The following EVI5 variants were observed in gnomAD, a reference collection of about 807,000 sequenced individuals.
EVI5 encodes the protein ecotropic viral integration site 5.
Under a neutral mutation model 112.0 loss-of-function variants are expected in EVI5, and 73 were observed. That is an observed-to-expected ratio of 0.65 (90% CI 0.54 to 0.79). The LOEUF (loss-of-function observed/expected upper bound fraction) is 0.79. EVI5 is among the 30% of genes least tolerant of loss of function. EVI5 has a pLI of 0.00. For synonymous variants in EVI5, 305 were observed against 319.9 expected, an observed-to-expected ratio of 0.95 and a Z score of 0.50; for missense variants, 900 against 968.8, an observed-to-expected ratio of 0.93 and a Z score of 0.94.
At chr1:92,608,180 A>G (rs1372027454) in intron 16 of EVI5, among the ~76,000 whole-genome samples, 1 of 151,904 alleles carries the variant, frequency 6.6e-6, no homozygotes, top group Non-Finnish European at 1.5e-5. Flanking sequence ...TAAATAAATA[A>G]ATAAATAAAA....
chr1:92,588,011 G>T (rs1673092445), intron 18 of EVI5, among the ~76,000 whole-genome samples: 1 of 151,928 alleles, frequency 6.6e-6, no homozygotes, highest in Admixed American at 6.5e-5. Flanking sequence ...TCTATGTTTT[G>T]TTCTACTCCA....
chr1:92,621,172 A>G (rs994203896), intron 16 of EVI5, among the ~76,000 whole-genome samples: 3 of 152,210 alleles, frequency 2.0e-5, no homozygotes, highest in Admixed American at 1.3e-4. Context: ...GAGAAGGTAG[A>G]AAAAAAGAAA....
At chr1:92,761,993 G>T (rs907804266) in intron 1 of EVI5, among the ~76,000 whole-genome samples, 12 of 152,054 alleles carry the variant, frequency 7.9e-5, no homozygotes, top group African/African-American at 2.9e-4. Context: ...TATCCAAAAA[G>T]AAGAATTTCA....
intron 2 of EVI5, among the ~76,000 whole-genome samples, chr1:92,727,805 C>T (rs544425293): frequency 2.0e-5 from 3 of 151,902 alleles, no homozygotes; most frequent in South Asian, 4.2e-4. Flanking sequence ...TGCTTGAATC[C>T]GGGAGTTCAA....
At chr1:92,745,430 C>A (rs981509895) in intron 1 of EVI5, among the ~76,000 whole-genome samples, 10 of 152,106 alleles carry the variant, frequency 6.6e-5, no homozygotes, top group Non-Finnish European at 1.5e-5. Context: ...TACATTATCA[C>A]CTCATCTCCA....
In EVI5 at chr1:92,510,003, G is replaced by A. The variant is rs1659096382; in HGVS notation, c.*3653C>T. ...CTTACATTAATTTGAATGAAAAGGA[G>A]TCAAACCAAGGCATAATATCCTATT... On this transcript the variant is annotated 3_prime_UTR_variant, in exon 20 of 20. Coordinates refer to ENST00000684568, the MANE Select transcript of EVI5 (RefSeq NM_001350197.2). 6.6e-6 allele frequency: 1 copy of A among 152,178 alleles called. No individual in the cohort carries two copies. The highest frequency in any genetic ancestry group is 1.5e-5 in the Non-Finnish European group (1 of 68,038). The allele number at this position is 152,178 out of a possible 1,614,324, so 9.4% of individuals were successfully genotyped here. A position where few individuals can be genotyped will look rare whatever the true frequency, so the allele number is the denominator to read the frequency against.
intron 16 of EVI5, among the ~76,000 whole-genome samples, chr1:92,618,411 C>T (rs1571916064): frequency 6.6e-6 from 1 of 152,284 alleles, no homozygotes; most frequent in East Asian, 1.9e-4. Context: ...ACCTTTAAGT[C>T]AACAAGCTAA....
rs1233870705 is a variant in EVI5, at chr1:92,512,716, C to T, written c.*940G>A. 1 of 152,042 alleles carries T rather than the reference C, an allele frequency of 6.6e-6. No homozygotes were observed. Among genetic ancestry groups the T allele is most frequent in the Non-Finnish European group, 1.5e-5 (1 of 68,008 alleles). The allele number at this position is 152,042 out of a possible 1,614,324, so 9.4% of individuals were successfully genotyped here. ...TTAAACATTAAAACAAAACTTAAAA[C>T]TCTCAAAACAGATAATCATGAATTT... On this transcript the variant is annotated 3_prime_UTR_variant, in exon 20 of 20. Coordinates refer to ENST00000684568, the MANE Select transcript of EVI5 (RefSeq NM_001350197.2).
intron 14 of EVI5, among the ~76,000 whole-genome samples, chr1:92,631,037 A>G (rs908744129): frequency 9.9e-5 from 15 of 152,092 alleles, no homozygotes; most frequent in African/African-American, 3.1e-4. Flanking sequence ...CCATTGATCT[A>G]TATCTCTGTT....
intron 19 of EVI5, among the ~76,000 whole-genome samples, chr1:92,531,353 G>A (rs1007259298): frequency 1.3e-5 from 2 of 152,100 alleles, no homozygotes; most frequent in Non-Finnish European, 2.9e-5. Context: ...AACCAAGCTG[G>A]AAAACACTCT....
At chr1:92,522,690 C>A (rs1260422471) in intron 19 of EVI5, among the ~76,000 whole-genome samples, 4 of 148,948 alleles carry the variant, frequency 2.7e-5, no homozygotes, top group Admixed American at 1.3e-4. Flanking sequence ...GTTCTGGTTT[C>A]CCTACAACTT....
At chr1:92,647,564 GTTC>G (rs980894826) in intron 13 of EVI5, 1 of 542,612 alleles carries the variant, frequency 1.8e-6, no homozygotes, top group African/African-American at 1.9e-5. Flanking sequence ...TTTCTCTTAT[GTTC>G]TTCTCTGCAT....
intron 13 of EVI5, among the ~76,000 whole-genome samples, chr1:92,658,714 A>T (rs1019333562): frequency 2.0e-5 from 3 of 152,136 alleles, no homozygotes; most frequent in South Asian, 2.1e-4. Flanking sequence ...CTTTTTTCAC[A>T]GTTAGGAAAA....
chr1:92,577,411 G>A (rs1671246416), intron 18 of EVI5, among the ~76,000 whole-genome samples: 1 of 152,196 alleles, frequency 6.6e-6, no homozygotes, highest in African/African-American at 2.4e-5. Context: ...TGCCGGCAGG[G>A]CAGAAGTCCA....
intron 2 of EVI5, among the ~76,000 whole-genome samples, chr1:92,731,249 G>A (rs12564537): frequency 0.086 from 13,121 of 152,150 alleles, 1,606 homozygotes; most frequent in African/African-American, 0.27. Flanking sequence ...CTTCAACTCA[G>A]GAGGCAGAGG....
intron 19 of EVI5, among the ~76,000 whole-genome samples, chr1:92,549,436 G>C (rs2100730850): frequency 1.3e-5 from 2 of 151,782 alleles, no homozygotes; most frequent in East Asian, 3.9e-4. Context: ...ACATAGGCAT[G>C]GGCAAGGACT....
At chr1:92,637,324 G>T (rs1659079484) in intron 13 of EVI5, among the ~76,000 whole-genome samples, 1 of 150,970 alleles carries the variant, frequency 6.6e-6, no homozygotes, top group Non-Finnish European at 1.5e-5. Flanking sequence ...GTTGCAGTAA[G>T]CCAAGATCAT....
At chr1:92,577,516 GT>G (rs1293434464) in intron 18 of EVI5, among the ~76,000 whole-genome samples, 1 of 152,206 alleles carries the variant, frequency 6.6e-6, no homozygotes, top group Non-Finnish European at 1.5e-5. Context: ...TGCTTCATAA[GT>G]TTTCATCTGA....
chr1:92,519,395 A>T (rs1458316073), intron 19 of EVI5, among the ~76,000 whole-genome samples: 1 of 152,198 alleles, frequency 6.6e-6, no homozygotes, highest in Admixed American at 6.5e-5. Context: ...GTTTGGATAG[A>T]GGAGATTAAC....
Sources: gnomAD v4.1 joint callset for allele counts (sites outside exome capture counted in the v4.1 genomes callset) on GRCh38, gnomAD v4.1.1 for gene constraint, MANE v1.5 for transcripts, NCBI Gene and HGNC (gene_info 2026-07-23, HGNC 2026-07-21) for gene names.